RABGAP1: variants seen among roughly 807,000 people sequenced by gnomAD.
RABGAP1 encodes RAB GTPase activating protein 1, also known as rab GTPase-activating protein 1.
Under a neutral mutation model 137.6 loss-of-function variants are expected in RABGAP1, and 23 were observed. The ratio of observed to expected loss-of-function variants is 0.17; its 90% CI spans 0.12 to 0.24. The LOEUF (loss-of-function observed/expected upper bound fraction) is 0.24, where lower values mean the gene tolerates loss of function less well. RABGAP1 is among the 10% of genes least tolerant of loss of function. The pLI is 1.00. For synonymous variants in RABGAP1, 451 were observed against 450.7 expected (o/e 1.00, Z -0.01); for missense variants, 906 against 1,275.8 (o/e 0.71, Z 4.42).
intron 6 of RABGAP1, among the ~76,000 whole-genome samples, chr9:122,993,687 G>A (rs1375501633): frequency 2.0e-5 from 3 of 151,870 alleles, no homozygotes; most frequent in Non-Finnish European, 4.4e-5. Flanking sequence ...TTTTTGAGAC[G>A]GAGTCTCGCT....
At chr9:122,977,381 G>T (rs1835816935) in intron 2 of RABGAP1, among the ~76,000 whole-genome samples, 1 of 152,188 alleles carries the variant, frequency 6.6e-6, no homozygotes, top group Non-Finnish European at 1.5e-5. Flanking sequence ...TGGCCATGGA[G>T]TGAATGGTAG....
chr9:123,037,448 T>C (rs748848553), intron 13 of RABGAP1, among the ~76,000 whole-genome samples: 3 of 152,208 alleles, frequency 2.0e-5, no homozygotes, highest in Non-Finnish European at 2.9e-5. Context: ...ATACTGAAAT[T>C]GCAAGTTATG....
chr9:122,931,903 A>C, the RABGAP1 span, among the ~76,000 whole-genome samples: 3 of 152,196 alleles, frequency 2.0e-5, no homozygotes, highest in Non-Finnish European at 2.9e-5. Context: ...CTAGGGGTGT[A>C]GACTCGTCGC....
intron 2 of RABGAP1, among the ~76,000 whole-genome samples, chr9:122,976,863 C>T (rs1313320128): frequency 6.6e-6 from 1 of 152,082 alleles, no homozygotes; most frequent in Non-Finnish European, 1.5e-5. Context: ...GTTAAGATCT[C>T]CCAGAGGAGA....
At chr9:123,033,723 T>A (rs1177833333) in intron 13 of RABGAP1, 4 of 152,254 alleles carry the variant, frequency 2.6e-5, no homozygotes, top group African/African-American at 9.6e-5. Flanking sequence ...TTGTTTGGAT[T>A]GCAGCATGCA....
chr9:123,004,562 C>T (rs2030038684), intron 10 of RABGAP1, among the ~76,000 whole-genome samples: 4 of 152,106 alleles, frequency 2.6e-5, no homozygotes, highest in Non-Finnish European at 5.9e-5. Context: ...AGATTATAGG[C>T]ATGAGCCACT....
At chr9:123,053,612 T>C (rs2033577620) in intron 13 of RABGAP1, among the ~76,000 whole-genome samples, 1 of 152,222 alleles carries the variant, frequency 6.6e-6, no homozygotes, top group East Asian at 1.9e-4. Context: ...ATTGTAAAGA[T>C]AGGACATGGT....
intron 2 of RABGAP1, among the ~76,000 whole-genome samples, chr9:122,974,196 C>T (rs1021031688): frequency 3.3e-5 from 5 of 151,698 alleles, no homozygotes; most frequent in African/African-American, 7.3e-5. Context: ...TAGGTATGAG[C>T]GAACTGTGTG....
chr9:122,947,873 A>G (rs1026843207), intron 1 of RABGAP1, among the ~76,000 whole-genome samples: 1 of 152,248 alleles, frequency 6.6e-6, no homozygotes, highest in African/African-American at 2.4e-5. Context: ...GAATGAAAAC[A>G]AAGACATCTA....
chr9:122,996,014 A>G, intron 6 of RABGAP1, 27 bp from the exon 7 acceptor site: 11 of 1,552,154 alleles, frequency 7.1e-6, no homozygotes, highest in Non-Finnish European at 8.7e-6. Context: ...ATGCTTTGCA[A>G]AATTAATGAA....
chr9:123,040,889 G>T (rs902410481), intron 13 of RABGAP1, among the ~76,000 whole-genome samples: 1 of 152,050 alleles, frequency 6.6e-6, no homozygotes, highest in Non-Finnish European at 1.5e-5. Context: ...GAATCATTTG[G>T]TCTGATTCTG....
intron 2 of RABGAP1, among the ~76,000 whole-genome samples, chr9:122,964,465 C>T (rs1054142445): frequency 3.3e-5 from 5 of 151,994 alleles, no homozygotes; most frequent in African/African-American, 1.2e-4. Context: ...AAGCAAAACC[C>T]ACATGATCAT....
the RABGAP1 span, among the ~76,000 whole-genome samples, chr9:122,934,271 G>C: frequency 6.6e-6 from 1 of 151,376 alleles, no homozygotes; most frequent in Non-Finnish European, 1.5e-5. Flanking sequence ...GTAGAGACAG[G>C]GTTTCACCAT....
chr9:122,964,438 C>T (rs1050664254), intron 2 of RABGAP1, among the ~76,000 whole-genome samples: 4 of 151,970 alleles, frequency 2.6e-5, no homozygotes, highest in South Asian at 2.1e-4. Flanking sequence ...TGTAATACAC[C>T]GTATCTATAG....
At chr9:123,026,935 C>G (rs1198395827) in intron 13 of RABGAP1, among the ~76,000 whole-genome samples, 1 of 152,108 alleles carries the variant, frequency 6.6e-6, no homozygotes, top group Non-Finnish European at 1.5e-5. Context: ...GCAACCTATT[C>G]TGATGTTTTT....
chr9:122,950,104 G>C (rs1834150208), intron 1 of RABGAP1, among the ~76,000 whole-genome samples: 1 of 152,122 alleles, frequency 6.6e-6, no homozygotes, highest in Non-Finnish European at 1.5e-5. Flanking sequence ...TTTGAGGAAA[G>C]GGGAGGTATG....
At position 122,998,783 on chromosome 9, in the gene RABGAP1, T is replaced by C. The variant is rs1837169453; in HGVS notation, c.1374+17T>C. The C allele has an allele frequency of 6.7e-7, 1 of 1,499,368 alleles. No individual in the cohort carries two copies. Among genetic ancestry groups the C allele is most frequent in the East Asian group, 2.3e-5 (1 of 43,956 alleles). The allele number at this position is 1,499,368 out of a possible 1,614,324, so 92.9% of individuals were successfully genotyped here. ...CTAAAACAGGTACTGTATTTTTCTA[T>C]TAATATAGAAGGGGGAATAAGAAAG... is the stretch of plus-strand genomic sequence containing the variant. On this transcript the variant is annotated intron_variant, in intron 10 of 25. Transcript: ENST00000373647.
At chr9:123,048,418 A>G (rs1302480422) in intron 13 of RABGAP1, among the ~76,000 whole-genome samples, 3 of 152,226 alleles carry the variant, frequency 2.0e-5, no homozygotes, top group Non-Finnish European at 2.9e-5. Flanking sequence ...TAACTTGAGC[A>G]ATATGAGACT....
chr9:122,962,273 G>A (rs1834893911), intron 2 of RABGAP1, among the ~76,000 whole-genome samples: 1 of 151,746 alleles, frequency 6.6e-6, no homozygotes, highest in Non-Finnish European at 1.5e-5. Flanking sequence ...CTTTGGGAGA[G>A]TGAGGTGGGT....
Sources: allele counts gnomAD v4.1 joint callset (sites outside exome capture counted in the v4.1 genomes callset), GRCh38; gene constraint gnomAD v4.1.1; transcripts MANE v1.5; gene names NCBI Gene and HGNC (gene_info 2026-07-23, HGNC 2026-07-21).